SHQ1: variants seen among roughly 807,000 people sequenced by gnomAD.
SHQ1 encodes protein SHQ1 homolog.
SHQ1 carries 49 observed loss-of-function variants against 53.8 expected under a neutral mutation model. The observed-to-expected ratio is 0.91, with a 90% confidence interval of 0.72 to 1.16. The LOEUF is 1.16. SHQ1 is among the 50% of genes most tolerant of loss of function. The pLI is 0.00. For synonymous variants in SHQ1, 243 were observed against 251.0 expected (o/e 0.97, Z 0.30); for missense variants, 738 against 683.1 (o/e 1.08, Z -0.90).
At chr3:72,746,700 A>C (rs997228507), downstream of SHQ1, among the ~76,000 whole-genome samples, 26 of 152,182 alleles carry the variant, frequency 1.7e-4, no homozygotes, top group Admixed American at 6.5e-4. Context: ...AGGTTTTTCT[A>C]CCCAAGACAA....
chr3:72,830,193 T>C (rs1707784184), intron 5 of SHQ1, among the ~76,000 whole-genome samples: 1 of 151,794 alleles, frequency 6.6e-6, no homozygotes, highest in Non-Finnish European at 1.5e-5. Context: ...TAAAATCATA[T>C]ATGTGCCTTT....
At chr3:72,737,509 CAA>C in the SHQ1 span, among the ~76,000 whole-genome samples, 1 of 152,070 alleles carries the variant, frequency 6.6e-6, no homozygotes, top group Non-Finnish European at 1.5e-5. Context: ...AGCTGTCCCT[CAA>C]TATCTGCAAG....
chr3:72,781,927 T>C (rs139483029), intron 10 of SHQ1, among the ~76,000 whole-genome samples: 3 of 152,246 alleles, frequency 2.0e-5, no homozygotes, highest in East Asian at 3.9e-4. Context: ...CCCAAAAAGA[T>C]TGTTTTATGT....
chr3:72,835,532 T>C (rs899055576), intron 4 of SHQ1, among the ~76,000 whole-genome samples: 1 of 152,188 alleles, frequency 6.6e-6, no homozygotes, highest in Non-Finnish European at 1.5e-5. Flanking sequence ...AAATGGGGTA[T>C]AACCTGTGAG....
chr3:72,841,901 C>T (rs149733063), intron 3 of SHQ1, among the ~76,000 whole-genome samples: 3 of 152,248 alleles, frequency 2.0e-5, no homozygotes, highest in Non-Finnish European at 2.9e-5. Context: ...CCTGGCCCTC[C>T]GCTCACCTCC....
rs2106899853 is a variant in SHQ1, at chr3:72,824,622, A to C, written c.600-71T>G. 2.0e-6 allele frequency: 3 copies of C among 1,510,120 alleles called. No individual in the cohort carries two copies. The East Asian group carries it at 6.9e-5, about 35-fold the overall frequency. 93.5% of individuals were successfully genotyped at this position (1,510,120 alleles called of 1,614,324 possible). ...CTTTTACTTTTTAACATTTTATCTTAACTCATATTTGTACTAGAAATACAG... is the reference window on the plus strand; with the variant it reads ...CTTTTACTTTTTAACATTTTATCTTCACTCATATTTGTACTAGAAATACAG... On this transcript the variant is annotated intron_variant, in intron 5 of 10. Coordinates refer to ENST00000325599, the MANE Select transcript of SHQ1 (RefSeq NM_018130.3).
chr3:72,779,741 C>T (rs1358045746), intron 10 of SHQ1, among the ~76,000 whole-genome samples: 2 of 152,222 alleles, frequency 1.3e-5, no homozygotes, highest in Non-Finnish European at 2.9e-5. Context: ...AAAACGAAGT[C>T]AGTATCTGGC....
At chr3:72,765,414 T>C (rs1575679464) in intron 10 of SHQ1, among the ~76,000 whole-genome samples, 1 of 146,148 alleles carries the variant, frequency 6.8e-6, no homozygotes, top group Non-Finnish European at 1.5e-5. Context: ...CAGGGCTGCA[T>C]TTTTCACTGA....
At chr3:72,844,579 C>A (rs1461364705) in intron 1 of SHQ1, 156 bp from the exon 2 acceptor site, 6 of 691,052 alleles carry the variant, frequency 8.7e-6, no homozygotes, top group Non-Finnish European at 1.3e-5. Context: ...AAGTTAGATT[C>A]TTTCCCCAAC....
At chr3:72,827,143 C>T (rs1375406947) in intron 5 of SHQ1, among the ~76,000 whole-genome samples, 1 of 151,962 alleles carries the variant, frequency 6.6e-6, no homozygotes, top group African/African-American at 2.4e-5. Flanking sequence ...CTGGCCTCCA[C>T]AACTCAGTGG....
intron 1 of SHQ1, chr3:72,846,298 CTTTT>C (rs745807243): frequency 3.2e-5 from 46 of 1,422,866 alleles, no homozygotes; most frequent in South Asian, 5.5e-5. Flanking sequence ...ACTGTATGTT[CTTTT>C]TTTTTTTTTT....
chr3:72,751,612 C>G lies in SHQ1; in HGVS notation c.1182-776G>C, dbSNP rs144914505. ...TATAACAATCCAACAGAAAAATGGA[C>G]AGAAGATACAAGCAGACAATTTTCA... is the stretch of plus-strand genomic sequence containing the variant. On this transcript the variant is annotated intron_variant, in intron 10 of 10. Coordinates refer to ENST00000325599, the MANE Select transcript of SHQ1 (RefSeq NM_018130.3). Among the ~76,000 whole-genome samples the G allele has an allele frequency of 1.3e-3, 197 of 149,500 alleles. 1 individual carries two copies. Among genetic ancestry groups the G allele is most frequent in the African/African-American group, 4.6e-3 (185 of 40,336 alleles).
At chr3:72,746,189 G>A (rs1037889961), downstream of SHQ1, among the ~76,000 whole-genome samples, 2 of 152,076 alleles carry the variant, frequency 1.3e-5, no homozygotes, top group African/African-American at 2.4e-5. Flanking sequence ...TCCCCCCCTC[G>A]TGAGCCAGCT....
chr3:72,742,720 G>A, the SHQ1 span, among the ~76,000 whole-genome samples: 8 of 148,644 alleles, frequency 5.4e-5, no homozygotes, highest in South Asian at 2.1e-4. Flanking sequence ...AACTTCAAGC[G>A]TTCAAGCGAT....
Position 72,842,373 on chromosome 3 carries a change from T to C in SHQ1, c.238A>G (p.Thr80Ala), listed in dbSNP as rs1205557784. Residue 80 changes from threonine (T) to alanine (A), a missense_variant, in exon 3 of 11, where the codon ACC becomes GCC. Physicochemically the swap from Thr to Ala is moderately conservative, Grantham distance 58 (BLOSUM62 0). Transcript: ENST00000325599. ...AGCCCCTCAAAATGCTGGCCAGGGGTTTCTTTGGGCAGGCGAATGGTAAAA... is the reference window on the plus strand; with the variant it reads ...AGCCCCTCAAAATGCTGGCCAGGGGCTTCTTTGGGCAGGCGAATGGTAAAA... The part of the protein sequence containing the change: ...GIFTIRLPKE[T>A]PGQHFEGLNM... 5 of 1,613,642 alleles carry C rather than the reference T, an allele frequency of 3.1e-6. No individual in the cohort carries two copies. Among genetic ancestry groups the C allele is most frequent in the Non-Finnish European group, 4.2e-6 (5 of 1,179,760 alleles).
At chr3:72,773,405 G>A (rs1007288394) in intron 10 of SHQ1, 1 of 447,182 alleles carries the variant, frequency 2.2e-6, no homozygotes, top group Admixed American at 3.2e-5. Context: ...CACAGTAGCA[G>A]TGGTGGTAGA....
chr3:72,824,371 G>A (rs1707580253), intron 6 of SHQ1, 53 bp downstream of exon 6: 1 of 1,598,428 alleles, frequency 6.3e-7, no homozygotes, highest in Admixed American at 1.7e-5. Flanking sequence ...AGTAAACGTG[G>A]TACACCATGA....
intron 9 of SHQ1, among the ~76,000 whole-genome samples, chr3:72,808,883 G>A (rs1707034697): frequency 6.6e-6 from 1 of 152,134 alleles, no homozygotes; most frequent in Admixed American, 6.5e-5. Context: ...TGTAGAGAGA[G>A]AAACTAAAAA....
In SHQ1 at chr3:72,752,968, C is replaced by T. The variant is rs1334042636; in HGVS notation, c.1182-2132G>A. 28 of 985,152 alleles carry T rather than the reference C, an allele frequency of 2.8e-5. No homozygotes were observed. In the South Asian group the frequency reaches 3.3e-4, roughly 12 times the overall value. The allele number at this position is 985,152 out of a possible 1,614,324, so 61.0% of individuals were successfully genotyped here. Reference sequence around the variant, plus strand: ...GTGAGCCACCATGACCAGCCGAAGACGCTTTTCCTCTAAATTACCTGCTAG... The same window carrying T: ...GTGAGCCACCATGACCAGCCGAAGATGCTTTTCCTCTAAATTACCTGCTAG... On this transcript the variant is annotated intron_variant, in intron 10 of 10. Transcript: ENST00000325599.
Sources: gnomAD v4.1 joint callset for allele counts (sites outside exome capture counted in the v4.1 genomes callset) on GRCh38, gnomAD v4.1.1 for gene constraint, MANE v1.5 for transcripts, NCBI Gene and HGNC (gene_info 2026-07-23, HGNC 2026-07-21) for gene names.